WDFY3: variants seen among roughly 807,000 people sequenced by gnomAD.
The protein encoded by WDFY3 is WD repeat and FYVE domain-containing protein 3.
In WDFY3, 66 loss-of-function variants were observed where a neutral mutation model predicts 409.6. The observed-to-expected ratio is 0.16, with a 90% confidence interval of 0.13 to 0.20. The LOEUF (loss-of-function observed/expected upper bound fraction) is 0.20, where lower values mean the gene tolerates loss of function less well. Among genes scored for constraint, WDFY3 ranks in the 10% least tolerant of loss-of-function variants. The pLI is 1.00. For synonymous variants in WDFY3, 1,521 were observed against 1,537.1 expected (o/e 0.99, Z 0.25); for missense variants, 3,031 against 4,298.1 (o/e 0.71, Z 8.24).
Position 84,691,634 on chromosome 4 carries a change from G to T in WDFY3, c.9201C>A (p.Asp3067Glu). 10 of 1,613,422 alleles carry T rather than the reference G, an allele frequency of 6.2e-6. No homozygotes were observed. The highest frequency in any genetic ancestry group is 8.5e-6 in the Non-Finnish European group (10 of 1,179,662). Residue 3067 changes from aspartate to glutamate, a missense_variant, in exon 60 of 68, where the codon GAC becomes GAA. By Grantham distance (45) the Asp-to-Glu change is conservative. Transcript: ENST00000295888. ...LSCRLGTYESDKAMTVYECLS... is the reference protein window; with the variant it reads ...LSCRLGTYESEKAMTVYECLS... ...GTAGGCAGGAAATAATGCAAACCTT[G>T]TCTGACTCATAGGTTCCCAGTCTGC...
chr4:84,712,658 G>C (rs1202121938), intron 51 of WDFY3, among the ~76,000 whole-genome samples: 2 of 151,852 alleles, frequency 1.3e-5, no homozygotes, highest in Non-Finnish European at 2.9e-5. Context: ...GGAGGTTGCA[G>C]TGAGCCAAGA....
intron 21 of WDFY3, among the ~76,000 whole-genome samples, chr4:84,792,969 T>C (rs1039701183): frequency 3.9e-5 from 6 of 152,184 alleles, no homozygotes; most frequent in Admixed American, 3.3e-4. Context: ...AATTAAAATC[T>C]ATGAAGTCTA....
rs1457025546 is a variant in WDFY3 at position 84,880,686 on chromosome 4, T to C, written c.-32+16225A>G. Among the ~76,000 whole-genome samples, 78 of 31,014 alleles carry C rather than the reference T, an allele frequency of 2.5e-3. 1 individual carries two copies. The highest frequency in any genetic ancestry group is 0.017 in the Middle Eastern group (1 of 60). The allele number at this position is 31,014 out of a possible 152,430, so 20.3% of individuals were successfully genotyped here. A position where few individuals can be genotyped will look rare whatever the true frequency, so the allele number is the denominator to read the frequency against. ...TAAGGGAACCATACATATATATATA[T>C]ATATATATATATATATATATATATA... On this transcript the variant is annotated intron_variant, in intron 3 of 67. Coordinates refer to ENST00000295888, the MANE Select transcript of WDFY3 (RefSeq NM_014991.6).
chr4:84,762,461 T>G lies in WDFY3; in HGVS notation c.5188+3349A>C, dbSNP rs993404684. On this transcript the variant is annotated intron_variant, in intron 32 of 67. Transcript: ENST00000295888. ...GGGAACATCACACTCTGGGGACTGT[T>G]CTGGGGTGGGGGGAGGGGGGAGGGA... 1.8e-4 allele frequency among the ~76,000 whole-genome samples: 19 copies of G among 108,220 alleles called. No homozygotes were observed. The East Asian group carries it at 3.3e-3, about 19-fold the overall frequency. 71.0% of individuals were successfully genotyped at this position (108,220 alleles called of 152,430 possible). A position where few individuals can be genotyped will look rare whatever the true frequency, so the allele number is the denominator to read the frequency against.
At chr4:84,883,370 G>A (rs1763795438) in intron 3 of WDFY3, among the ~76,000 whole-genome samples, 1 of 152,030 alleles carries the variant, frequency 6.6e-6, no homozygotes, top group Non-Finnish European at 1.5e-5. Context: ...CTAATTTCTG[G>A]GGAAATAAGT....
intron 3 of WDFY3, among the ~76,000 whole-genome samples, chr4:84,881,696 G>A (rs990779769): frequency 4.6e-5 from 7 of 151,724 alleles, no homozygotes; most frequent in East Asian, 1.9e-4. Flanking sequence ...AGACCAGCCC[G>A]GGAAACATAA....
intron 5 of WDFY3, among the ~76,000 whole-genome samples, chr4:84,848,757 C>T (rs1237982738): frequency 2.6e-5 from 4 of 152,114 alleles, no homozygotes; most frequent in East Asian, 1.9e-4. Context: ...TCCATTTAAA[C>T]GTAAACCACA....
Position 84,798,075 on chromosome 4 carries a change from A to G in WDFY3, c.2856T>C (p.Cys952=). Residue 952 remains cysteine (C), a synonymous_variant, in exon 18 of 68, where the codon TGT becomes TGC. Transcript: ENST00000295888. ...EFLRLASPLN[C]GAWDKKLLKQ... is the part of the protein sequence containing the mutation. Reference sequence around the variant, plus strand: ...TTAGCAGTTTTTTGTCCCAGGCACCACAATTTAAAGGACTTGCCAAACGTA... The same window carrying G: ...TTAGCAGTTTTTTGTCCCAGGCACCGCAATTTAAAGGACTTGCCAAACGTA... The G allele has an allele frequency of 6.2e-7, 1 of 1,613,486 alleles. No individual in the cohort carries two copies. Among genetic ancestry groups the G allele is most frequent in the Non-Finnish European group, 8.5e-7 (1 of 1,179,696 alleles).
chr4:84,679,659 A>T (rs74817275), intron 64 of WDFY3, among the ~76,000 whole-genome samples: 1,698 of 151,940 alleles, frequency 0.011, 27 homozygotes, highest in African/African-American at 0.039. Context: ...GTGGGTTCCG[A>T]TGTCACCTAG....
At chr4:84,789,667 ACACC>A (rs35445524) in intron 22 of WDFY3, 55 bp downstream of exon 22, 44,948 of 1,286,660 alleles carry the variant, frequency 0.035, 2,362 homozygotes, top group East Asian at 0.092. Context: ...ACACACACAC[ACACC>A]CCCCAAACTA....
At chr4:84,766,705 A>G (rs1413741002) in intron 30 of WDFY3, among the ~76,000 whole-genome samples, 5 of 152,234 alleles carry the variant, frequency 3.3e-5, no homozygotes, top group African/African-American at 4.8e-5. Context: ...CTGACTCTTA[A>G]CCTCTCAAAT....
chr4:84,725,763 AT>A (rs941491779), intron 45 of WDFY3, among the ~76,000 whole-genome samples: 5 of 152,128 alleles, frequency 3.3e-5, no homozygotes, highest in South Asian at 4.1e-4. Flanking sequence ...TTCAAGCAAC[AT>A]TTTTTTTAAG....
chr4:84,716,031 C>CAA (rs1733834007), intron 49 of WDFY3, among the ~76,000 whole-genome samples: 1 of 151,762 alleles, frequency 6.6e-6, no homozygotes, highest in Admixed American at 6.6e-5. Flanking sequence ...AGATGGATAA[C>CAA]AAAGATAATT....
chr4:84,936,298 A>C (rs1771402275), intron 1 of WDFY3, among the ~76,000 whole-genome samples: 1 of 152,138 alleles, frequency 6.6e-6, no homozygotes. Flanking sequence ...AGGCAGGACT[A>C]TCACTTGAGA....
rs575412935 is a variant in WDFY3 at position 84,802,256 on chromosome 4, T to C, written c.2608-392A>G. Among the ~76,000 whole-genome samples the C allele has an allele frequency of 4.8e-4, 64 of 132,592 alleles. 1 individual carries two copies. The Middle Eastern group carries it at 0.018, about 37-fold the overall frequency. 87.0% of individuals were successfully genotyped at this position (132,592 alleles called of 152,430 possible). A position where few individuals can be genotyped will look rare whatever the true frequency, so the allele number is the denominator to read the frequency against. On this transcript the variant is annotated intron_variant, in intron 16 of 67. Transcript: ENST00000295888. ...GCCACCGCACCCGGCAGAAGCATAC[T>C]TTTTTTTTTTTTTTGAGACAGAGTC...
chr4:84,848,043 A>G (rs1758365402), intron 5 of WDFY3, among the ~76,000 whole-genome samples: 1 of 151,916 alleles, frequency 6.6e-6, no homozygotes, highest in South Asian at 2.1e-4. Flanking sequence ...AATGAGAGGA[A>G]CAGTCTAAGA....
intron 2 of WDFY3, among the ~76,000 whole-genome samples, chr4:84,906,129 CAT>C (rs1767008617): frequency 6.6e-6 from 1 of 152,130 alleles, no homozygotes; most frequent in Non-Finnish European, 1.5e-5. Flanking sequence ...AAATGCCTGT[CAT>C]GTAAATTTTT....
At chr4:84,691,150 G>A (rs1210283734) in intron 60 of WDFY3, among the ~76,000 whole-genome samples, 1 of 152,156 alleles carries the variant, frequency 6.6e-6, no homozygotes, top group Admixed American at 6.6e-5. Flanking sequence ...GGCACTAAAG[G>A]ATCACTATGG....
chr4:84,965,221 T>G (rs1775478169), intron 1 of WDFY3, among the ~76,000 whole-genome samples: 2 of 152,190 alleles, frequency 1.3e-5, no homozygotes, highest in African/African-American at 4.8e-5. Flanking sequence ...ATGCCACTAT[T>G]TAAAAAGCCC....
Sources: allele counts gnomAD v4.1 joint callset (sites outside exome capture counted in the v4.1 genomes callset), GRCh38; gene constraint gnomAD v4.1.1; transcripts MANE v1.5; gene names NCBI Gene and HGNC (gene_info 2026-07-23, HGNC 2026-07-21).